Variants in CENPP observed in about 807,000 individuals in gnomAD.
CENPP encodes centromere protein P.
A neutral mutation model predicts 35.6 loss-of-function variants in CENPP; 24 were observed. The observed-to-expected ratio is 0.67, with a 90% confidence interval of 0.49 to 0.95. CENPP has a LOEUF of 0.95. Ranked by LOEUF, CENPP falls within the 40% of genes least tolerant of loss-of-function variation. The probability of loss-of-function intolerance (pLI) is 0.00; values close to 1 mark genes in which losing one functional copy is unlikely to be tolerated. For missense variants in CENPP, 332 were observed against 345.3 expected (o/e 0.96, Z 0.31); for synonymous variants, 120 against 125.5 (o/e 0.96, Z 0.29).
chr9:92,453,016 G>T (rs1165713189), intron 5 of CENPP, among the ~76,000 whole-genome samples: 3 of 151,976 alleles, frequency 2.0e-5, no homozygotes, highest in Non-Finnish European at 4.4e-5. Flanking sequence ...CTTGCTAGGG[G>T]TCTATCAATT....
At chr9:92,468,632 G>T (rs1009567346) in intron 5 of CENPP, among the ~76,000 whole-genome samples, 18 of 152,154 alleles carry the variant, frequency 1.2e-4, no homozygotes, top group African/African-American at 4.3e-4. Context: ...TAAAAGACAG[G>T]TACCATATAA....
intron 2 of CENPP, 73 bp from the exon 3 acceptor site, chr9:92,337,468 C>A: frequency 1.2e-6 from 1 of 862,958 alleles, no homozygotes; most frequent in Non-Finnish European, 2.0e-6. Context: ...TAGATATTCA[C>A]ACAAAATTAA....
At chr9:92,342,300 A>G (rs1030814994) in intron 3 of CENPP, among the ~76,000 whole-genome samples, 16 of 152,388 alleles carry the variant, frequency 1.0e-4, no homozygotes, top group Non-Finnish European at 1.9e-4. Context: ...GGGCAAGAAA[A>G]AAGTATAAAT....
At chr9:92,519,490 C>G (rs898412434) in intron 5 of CENPP, among the ~76,000 whole-genome samples, 2 of 152,166 alleles carry the variant, frequency 1.3e-5, no homozygotes, top group African/African-American at 4.8e-5. Context: ...GCCAATGGAA[C>G]ACTGAAAGTC....
rs1399141676 is a variant in CENPP at position 92,434,967 on chromosome 9, G to A, written c.564+55108G>A. On this transcript the variant is annotated intron_variant, in intron 5 of 7. Coordinates refer to ENST00000375587, the MANE Select transcript of CENPP (RefSeq NM_001012267.3). ...CTCAGGAGGCTGAGGCAGGAGAATT[G>A]CTTGAACCTGGGAGGTGGAGATTGC... 2.0e-5 allele frequency among the ~76,000 whole-genome samples: 3 copies of A among 152,138 alleles called. No homozygotes were observed. The East Asian group carries it at 5.8e-4, about 29-fold the overall frequency.
intron 5 of CENPP, among the ~76,000 whole-genome samples, chr9:92,591,595 A>C (rs1043821561): frequency 1.3e-5 from 2 of 151,568 alleles, no homozygotes; most frequent in African/African-American, 4.9e-5. Flanking sequence ...ATCTTAATCC[A>C]GGAAAATCAC....
intron 5 of CENPP, chr9:92,404,413 C>A: frequency 1.1e-6 from 1 of 890,136 alleles, no homozygotes; most frequent in Non-Finnish European, 1.5e-6. Flanking sequence ...CAGAGATGGC[C>A]TTTACATTTA....
chr9:92,585,829 T>G (rs535770968), intron 5 of CENPP, among the ~76,000 whole-genome samples: 89 of 152,282 alleles, frequency 5.8e-4, no homozygotes, highest in Non-Finnish European at 1.2e-3. Flanking sequence ...TATCCTTCCC[T>G]AGCACAGAAG....
chr9:92,393,276 A>G (rs771003610), intron 5 of CENPP: 64 of 1,543,408 alleles, frequency 4.1e-5, no homozygotes, highest in Non-Finnish European at 5.5e-5. Flanking sequence ...AAAAATATGA[A>G]CAATCGTTTG....
chr9:92,559,691 G>A (rs928930232), intron 5 of CENPP, among the ~76,000 whole-genome samples: 3 of 151,886 alleles, frequency 2.0e-5, no homozygotes, highest in Non-Finnish European at 4.4e-5. Flanking sequence ...CATAGAGATG[G>A]GGTCTCACTA....
intron 5 of CENPP, among the ~76,000 whole-genome samples, chr9:92,521,052 G>A (rs1848036939): frequency 6.6e-6 from 1 of 152,172 alleles, no homozygotes. Context: ...TACTGTGAAT[G>A]TACTAAATGC....
rs1221350250 is a variant in CENPP, at chr9:92,552,094, G to T, written c.565-59220G>T. ...GATAGATCTATCATATATGTGATAT[G>T]ATAGATCTATCATATATATGTGATA... On this transcript the variant is annotated intron_variant, in intron 5 of 7. Transcript: ENST00000375587. 3.7e-5 allele frequency among the ~76,000 whole-genome samples: 5 copies of T among 133,930 alleles called. No individual in the cohort carries two copies. The East Asian group carries it at 6.3e-4, about 17-fold the overall frequency. 87.9% of individuals were successfully genotyped at this position (133,930 alleles called of 152,430 possible).
At chr9:92,483,956 T>A (rs1011954527) in intron 5 of CENPP, among the ~76,000 whole-genome samples, 8 of 152,166 alleles carry the variant, frequency 5.3e-5, no homozygotes, top group African/African-American at 1.9e-4. Flanking sequence ...ATGCTCATAT[T>A]CTCATTTATT....
chr9:92,525,720 A>G (rs946039452), intron 5 of CENPP, among the ~76,000 whole-genome samples: 1 of 151,884 alleles, frequency 6.6e-6, no homozygotes, highest in African/African-American at 2.4e-5. Context: ...GTGAAACCCC[A>G]TCTCTACTAA....
intron 5 of CENPP, among the ~76,000 whole-genome samples, chr9:92,549,760 T>C (rs1849548454): frequency 6.6e-6 from 1 of 152,234 alleles, no homozygotes; most frequent in Non-Finnish European, 1.5e-5. Context: ...TCTGTGCTTC[T>C]TTGATCTGCC....
intron 5 of CENPP, among the ~76,000 whole-genome samples, chr9:92,447,408 G>T (rs1216147630): frequency 1.3e-5 from 2 of 151,936 alleles, no homozygotes; most frequent in Non-Finnish European, 2.9e-5. Flanking sequence ...TCCCTCACAT[G>T]TGTGGTTCAT....
chr9:92,432,941 AAG>A (rs576544597), intron 5 of CENPP, among the ~76,000 whole-genome samples: 210 of 152,308 alleles, frequency 1.4e-3, no homozygotes, highest in African/African-American at 4.6e-3. Context: ...GGGCAGGAAA[AAG>A]ATACAAAAAA....
chr9:92,602,385 G>A (rs1004180378), intron 5 of CENPP, among the ~76,000 whole-genome samples: 1 of 152,226 alleles, frequency 6.6e-6, no homozygotes, highest in African/African-American at 2.4e-5. Context: ...AGACTCAGGA[G>A]TGGACAGTGG....
intron 4 of CENPP, among the ~76,000 whole-genome samples, chr9:92,374,719 T>TG (rs1435189337): frequency 6.6e-6 from 1 of 152,218 alleles, no homozygotes; most frequent in Non-Finnish European, 1.5e-5. Flanking sequence ...TTAAATCATA[T>TG]GGGAAAAAGA....
Sources: gnomAD v4.1 joint callset for allele counts (sites outside exome capture counted in the v4.1 genomes callset) on GRCh38, gnomAD v4.1.1 for gene constraint, MANE v1.5 for transcripts, NCBI Gene and HGNC (gene_info 2026-07-23, HGNC 2026-07-21) for gene names.